Variants in DAB1 observed in about 807,000 individuals in gnomAD.
DAB1 encodes the protein disabled homolog 1.
In DAB1, 15 loss-of-function variants were observed where a neutral mutation model predicts 64.6. The ratio of observed to expected loss-of-function variants is 0.23; its 90% confidence interval spans 0.16 to 0.36. The LOEUF is 0.36. Among genes scored for constraint, DAB1 ranks in the 10% least tolerant of loss-of-function variants. The probability of loss-of-function intolerance (pLI) is 1.00; values close to 1 mark genes in which losing one functional copy is unlikely to be tolerated. For missense variants in DAB1, 596 were observed against 706.7 expected (o/e 0.84, Z 1.78); for synonymous variants, 235 against 251.9 (o/e 0.93, Z 0.64).
chr1:57,520,722 G>A (rs1570592404), intron 7 of DAB1, among the ~76,000 whole-genome samples: 1 of 151,826 alleles, frequency 6.6e-6, no homozygotes, highest in East Asian at 1.9e-4. Flanking sequence ...TTCTCTTATT[G>A]AAGAGCTCAC....
At chr1:58,413,156 T>C (rs1248747568) in intron 3 of DAB1, among the ~76,000 whole-genome samples, 1 of 152,212 alleles carries the variant, frequency 6.6e-6, no homozygotes, top group East Asian at 1.9e-4. Context: ...TCATTCCTAA[T>C]AGCTTAGCAC....
intron 2 of DAB1, among the ~76,000 whole-genome samples, chr1:57,222,739 AG>A (rs1180016271): frequency 1.3e-5 from 2 of 152,308 alleles, no homozygotes; most frequent in Non-Finnish European, 2.9e-5. Flanking sequence ...CCATTGTCAT[AG>A]GGATAGGTAT....
chr1:58,299,247 G>C (rs1361856979), intron 4 of DAB1, among the ~76,000 whole-genome samples: 1 of 152,162 alleles, frequency 6.6e-6, no homozygotes, highest in African/African-American at 2.4e-5. Flanking sequence ...TACCTGCCTA[G>C]AGATTGGAGA....
intron 5 of DAB1, among the ~76,000 whole-genome samples, chr1:57,901,458 C>G (rs1335384592): frequency 6.6e-6 from 1 of 152,040 alleles, no homozygotes; most frequent in Non-Finnish European, 1.5e-5. Context: ...GAAATTTACT[C>G]TTCTCCAACT....
intron 14 of DAB1, among the ~76,000 whole-genome samples, chr1:57,002,551 G>GC (rs1336837257): frequency 7.9e-5 from 12 of 152,204 alleles, no homozygotes; most frequent in Non-Finnish European, 2.9e-5. Flanking sequence ...ACAGAGCAAG[G>GC]CTGAAACCAG....
intron 7 of DAB1, among the ~76,000 whole-genome samples, chr1:57,638,612 CT>C (rs1351353378): frequency 6.6e-6 from 1 of 152,150 alleles, no homozygotes; most frequent in East Asian, 1.9e-4. Context: ...CACCTATTTC[CT>C]AATCCATGGA....
chr1:57,827,279 T>C (rs1339096273), intron 1 of DAB1, among the ~76,000 whole-genome samples: 3 of 152,210 alleles, frequency 2.0e-5, no homozygotes, highest in Admixed American at 1.3e-4. Context: ...AAAGGGATCC[T>C]GTACTATAGA....
chr1:57,301,102 A>G (rs891968223), intron 1 of DAB1, among the ~76,000 whole-genome samples: 2 of 152,178 alleles, frequency 1.3e-5, no homozygotes, highest in Non-Finnish European at 2.9e-5. Context: ...TTCAAAAAAA[A>G]AAAGGTAAAA....
chr1:58,037,091 C>T lies in DAB1; in HGVS notation n.387+113420G>A, dbSNP rs77291453. Among the ~76,000 whole-genome samples, 296 of 152,138 alleles carry T rather than the reference C, an allele frequency of 1.9e-3. 1 individual carries two copies. Among genetic ancestry groups the T allele is most frequent in the African/African-American group, 6.8e-3 (281 of 41,498 alleles). ...GTACTCCTCCCATCTTCCCTTAGAC[C>T]GCTATCATTTTCCTGCACACTGACT... On this transcript the variant is annotated intron_variant and non_coding_transcript_variant, in intron 5 of 20. Coordinates refer to the DAB1 transcript ENST00000485760.
intron 7 of DAB1, among the ~76,000 whole-genome samples, chr1:57,475,064 A>T (rs948548572): frequency 3.3e-5 from 5 of 152,218 alleles, no homozygotes; most frequent in Non-Finnish European, 5.9e-5. Flanking sequence ...GCTCGAGACC[A>T]GTCCGTCCAA....
rs376729245 is a variant in DAB1, at chr1:57,187,923, GAGAA to G, written c.68-42498_68-42495del. On this transcript the variant is annotated intron_variant, in intron 2 of 14. Coordinates refer to ENST00000371236, the MANE Select transcript of DAB1 (RefSeq NM_001365792.1). ...GAGACCCCGCAAGGAGGGAGGAGAG[GAGAA>G]AGAGAGACAGACAGACACCCCACAA... Among the ~76,000 whole-genome samples, 53 of 152,116 alleles carry G rather than the reference GAGAA, an allele frequency of 3.5e-4. 1 individual carries two copies. In the South Asian group the frequency reaches 8.3e-3, roughly 24 times the overall value.
At chr1:57,799,717 G>T (rs1651038483) in intron 6 of DAB1, among the ~76,000 whole-genome samples, 1 of 152,228 alleles carries the variant, frequency 6.6e-6, no homozygotes, top group Middle Eastern at 3.4e-3. Context: ...GCTAAGAATG[G>T]TTTTTACATT....
At chr1:58,389,657 G>A (rs972658149) in intron 3 of DAB1, among the ~76,000 whole-genome samples, 1 of 152,184 alleles carries the variant, frequency 6.6e-6, no homozygotes, top group Non-Finnish European at 1.5e-5. Flanking sequence ...AGGTTGTCAA[G>A]AGGTTCAAAT....
At chr1:57,178,331 C>T (rs1478195943) in intron 2 of DAB1, among the ~76,000 whole-genome samples, 2 of 149,424 alleles carry the variant, frequency 1.3e-5, no homozygotes, top group Non-Finnish European at 3.0e-5. Context: ...TAGCATAGAA[C>T]TTCAAACCCA....
intron 5 of DAB1, among the ~76,000 whole-genome samples, chr1:58,114,523 A>T (rs1570368864): frequency 6.6e-6 from 1 of 152,230 alleles, no homozygotes; most frequent in South Asian, 2.1e-4. Context: ...AGGGGTCATC[A>T]AACTATGGCC....
intron 2 of DAB1, among the ~76,000 whole-genome samples, chr1:57,145,951 C>CA (rs1659083561): frequency 6.6e-6 from 1 of 152,136 alleles, no homozygotes; most frequent in South Asian, 2.1e-4. Context: ...GGACAGTTAT[C>CA]AAAAAATGGT....
chr1:57,262,393 G>A (rs1414353793), intron 2 of DAB1, among the ~76,000 whole-genome samples: 1 of 152,218 alleles, frequency 6.6e-6, no homozygotes, highest in African/African-American at 2.4e-5. Context: ...TGGGTGCCAT[G>A]GTTAATACTG....
At chr1:58,414,882 G>A (rs1644704234) in intron 3 of DAB1, among the ~76,000 whole-genome samples, 1 of 151,976 alleles carries the variant, frequency 6.6e-6, no homozygotes, top group Non-Finnish European at 1.5e-5. Context: ...TCTCGGTTAA[G>A]GAAACGAAGT....
intron 14 of DAB1, among the ~76,000 whole-genome samples, chr1:57,004,996 G>A (rs1646014063): frequency 6.6e-6 from 1 of 152,120 alleles, no homozygotes; most frequent in Admixed American, 6.5e-5. Flanking sequence ...CAAACAAAAG[G>A]AAAAACAAAG....
Sources: allele counts gnomAD v4.1 joint callset (sites outside exome capture counted in the v4.1 genomes callset), GRCh38; gene constraint gnomAD v4.1.1; transcripts MANE v1.5; gene names NCBI Gene and HGNC (gene_info 2026-07-23, HGNC 2026-07-21).